TRIOBP: variants seen among roughly 807,000 people sequenced by gnomAD.
The protein encoded by TRIOBP is TRIO and F-actin binding protein, also known as TRIO and F-actin-binding protein.
A neutral mutation model predicts 238.8 loss-of-function variants in TRIOBP; 169 were observed. The observed-to-expected ratio is 0.71, with a 90% CI of 0.62 to 0.80. The LOEUF is 0.80. TRIOBP is among the 30% of genes least tolerant of loss of function. The probability of loss-of-function intolerance (pLI) is 0.00; values close to 1 mark genes in which losing one functional copy is unlikely to be tolerated. For synonymous variants in TRIOBP, 1,150 were observed against 1,274.4 expected (o/e 0.90, Z 2.08); for missense variants, 2,838 against 3,122.6 (o/e 0.91, Z 2.17).
rs896361802 is a variant in TRIOBP, at chr22:37,724,801, G to T, written c.2245G>T (p.Ala749Ser). The change falls in exon 7 of 24, where the codon GCC (alanine) becomes TCC (serine). Residue 749 changes from alanine to serine, a missense_variant. Coordinates refer to ENST00000644935, the MANE Select transcript of TRIOBP (RefSeq NM_001039141.3). ...IQRDNPRTSCAQRDNPRASSP... is the reference protein window; with the variant it reads ...IQRDNPRTSCSQRDNPRASSP... ...GCGAGACAACCCCAGAACATCCTGT[G>T]CCCAGCGGGACAATCCCAGAGCCTC... 1.2e-6 allele frequency: 2 copies of T among 1,608,964 alleles called. No individual in the cohort carries two copies. Among genetic ancestry groups the T allele is most frequent in the African/African-American group, 2.7e-5 (2 of 72,934 alleles).
At chr22:37,763,264 T>C (rs1439315547) in intron 17 of TRIOBP, among the ~76,000 whole-genome samples, 1 of 152,174 alleles carries the variant, frequency 6.6e-6, no homozygotes, top group Non-Finnish European at 1.5e-5. Context: ...GAGGCCTGCT[T>C]TACGGATGCC....
Position 37,755,719 on chromosome 22 carries a change from G to A in TRIOBP, c.5687+60G>A, listed in dbSNP as rs543528211. Reference sequence around the variant, plus strand: ...GCACTTACCCTTGCGTCCCCGAGTGGGTTTCTAGGTACTCACCTGAGGGCT... The same window carrying A: ...GCACTTACCCTTGCGTCCCCGAGTGAGTTTCTAGGTACTCACCTGAGGGCT... On this transcript the variant is annotated intron_variant, in intron 15 of 23. Transcript: ENST00000644935. The A allele has an allele frequency of 1.2e-5, 17 of 1,467,256 alleles. No homozygotes were observed. In the African/African-American group the frequency reaches 1.5e-4, roughly 13 times the overall value. 90.9% of individuals were successfully genotyped at this position (1,467,256 alleles called of 1,614,324 possible).
intron 6 of TRIOBP, among the ~76,000 whole-genome samples, chr22:37,717,420 T>C (rs527271580): frequency 1.3e-5 from 2 of 152,328 alleles, no homozygotes; most frequent in East Asian, 3.9e-4. Flanking sequence ...TTCTCTTGTC[T>C]GGCCCCACCC....
At chr22:37,772,441 G>A (rs1926830266) in intron 22 of TRIOBP, among the ~76,000 whole-genome samples, 160 bp from the exon 23 acceptor site, 1 of 152,186 alleles carries the variant, frequency 6.6e-6, no homozygotes, top group African/African-American at 2.4e-5. Flanking sequence ...AGGGAGGTGG[G>A]AGGGGTAAGC....
chr22:37,747,738 T>A (rs1445166679), intron 11 of TRIOBP, among the ~76,000 whole-genome samples: 4 of 152,238 alleles, frequency 2.6e-5, no homozygotes, highest in Non-Finnish European at 4.4e-5. Flanking sequence ...GATTTGATCC[T>A]TGAAGGTTGG....
chr22:37,750,548 G>A (rs1319627091), intron 11 of TRIOBP: 1 of 439,052 alleles, frequency 2.3e-6, no homozygotes, highest in Non-Finnish European at 4.9e-6. Flanking sequence ...CGTCTCAGGT[G>A]GAAGACGGGG....
rs1448097638 is a variant in TRIOBP, at chr22:37,775,437, G to A, written c.*1657G>A. 1 of 152,292 alleles carries A rather than the reference G, an allele frequency of 6.6e-6. No homozygotes were observed. Among genetic ancestry groups the A allele is most frequent in the Non-Finnish European group, 1.5e-5 (1 of 68,088 alleles). The allele number at this position is 152,292 out of a possible 1,614,324, so 9.4% of individuals were successfully genotyped here. A position where few individuals can be genotyped will look rare whatever the true frequency, so the allele number is the denominator to read the frequency against. On this transcript the variant is annotated 3_prime_UTR_variant, in exon 24 of 24. Coordinates refer to ENST00000644935, the MANE Select transcript of TRIOBP (RefSeq NM_001039141.3). The stretch of plus-strand genomic sequence containing the variant: ...GCAAGCCAGTGAAATGCGAGGGGAA[G>A]TCTTGGGAGTGGGGTGGAGGAGGTC...
chr22:37,773,027 C>G (rs5995496), intron 23 of TRIOBP, among the ~76,000 whole-genome samples: 1 of 152,222 alleles, frequency 6.6e-6, no homozygotes, highest in Non-Finnish European at 1.5e-5. Context: ...AGTGCACCCC[C>G]CTTCTTGGGG....
intron 6 of TRIOBP, among the ~76,000 whole-genome samples, chr22:37,718,126 C>G (rs894785675): frequency 1.6e-4 from 25 of 152,286 alleles, no homozygotes; most frequent in Non-Finnish European, 7.4e-5. Context: ...GCCAGCCGGC[C>G]GCTCCGAGTG....
intron 6 of TRIOBP, among the ~76,000 whole-genome samples, chr22:37,722,599 T>C (rs1923892787): frequency 6.6e-6 from 1 of 151,670 alleles, no homozygotes; most frequent in African/African-American, 2.4e-5. Context: ...TGGTGGCGCA[T>C]GCCTGTAATC....
At chr22:37,712,826 G>A (rs1419437603) in intron 4 of TRIOBP, among the ~76,000 whole-genome samples, 4 of 151,590 alleles carry the variant, frequency 2.6e-5, no homozygotes, top group African/African-American at 4.8e-5. Context: ...GCGTGGTGGC[G>A]GGCGCCTGTA....
chr22:37,738,339 T>G (rs5995493), intron 9 of TRIOBP, among the ~76,000 whole-genome samples: 4 of 38,564 alleles, frequency 1.0e-4, no homozygotes, highest in African/African-American at 2.1e-4. Flanking sequence ...ATGATAGATG[T>G]TGGAGATATG....
intron 17 of TRIOBP, among the ~76,000 whole-genome samples, chr22:37,765,379 C>T (rs1480084580): frequency 6.6e-6 from 1 of 152,130 alleles, no homozygotes; most frequent in Non-Finnish European, 1.5e-5. Flanking sequence ...TGTGAGATTG[C>T]TTGGCAGAGA....
chr22:37,769,208 G>T, intron 20 of TRIOBP, 21 bp downstream of exon 20: 1 of 1,592,156 alleles, frequency 6.3e-7, no homozygotes, highest in South Asian at 1.1e-5. Context: ...CCCCAGGTTG[G>T]GGGGACACGG....
rs1333180576 is a variant in TRIOBP, at chr22:37,725,245, C to G, written c.2689C>G (p.Pro897Ala). The G allele has an allele frequency of 6.2e-7, 1 of 1,613,942 alleles. No individual in the cohort carries two copies. Among genetic ancestry groups the G allele is most frequent in the Admixed American group, 1.7e-5 (1 of 60,006 alleles). ...ATGGAACAATCCCAGGAATTCATCT[C>G]CCCATCGTACTAACAAAGACATCCC... Reference protein sequence around the residue: ...TQWNNPRNSSPHRTNKDIPWA... With the variant: ...TQWNNPRNSSAHRTNKDIPWA... Residue 897 changes from proline to alanine, a missense_variant, in exon 7 of 24, where the codon CCC (proline) becomes GCC (alanine). By Grantham distance (27) the Pro-to-Ala change is conservative. This residue lies in a region of TRIOBP where 2,096 missense variants were observed against 2,137.4 expected (regional missense o/e 0.98). Coordinates refer to ENST00000644935, the MANE Select transcript of TRIOBP (RefSeq NM_001039141.3).
chr22:37,721,786 G>T (rs1448866241), intron 6 of TRIOBP, among the ~76,000 whole-genome samples: 1 of 152,178 alleles, frequency 6.6e-6, no homozygotes, highest in Non-Finnish European at 1.5e-5. Flanking sequence ...CATAGTTGTG[G>T]CTCCTTTAAG....
chr22:37,765,915 A>G, intron 18 of TRIOBP, 98 bp downstream of exon 18: 1 of 1,438,456 alleles, frequency 7.0e-7, no homozygotes. Context: ...AATAAGATGT[A>G]GGGGTCTCAG....
chr22:37,746,133 A>C (rs1601648435), intron 11 of TRIOBP: 2 of 958,570 alleles, frequency 2.1e-6, no homozygotes, highest in Non-Finnish European at 1.2e-6. Context: ...TCGCGCTTCC[A>C]TTGGCCCGCC....
chr22:37,743,800 AATGTGT>A (rs1284489384), intron 11 of TRIOBP, among the ~76,000 whole-genome samples: 9 of 55,402 alleles, frequency 1.6e-4, no homozygotes, highest in Admixed American at 1.1e-3. Flanking sequence ...AGAGAGAGAG[AATGTGT>A]GTGTGTGTGT....
Sources: allele counts gnomAD v4.1 joint callset (sites outside exome capture counted in the v4.1 genomes callset), GRCh38; gene constraint gnomAD v4.1.1; regional missense constraint gnomAD v4.1.1; transcripts MANE v1.5; gene names NCBI Gene and HGNC (gene_info 2026-07-23, HGNC 2026-07-21).